GABRG3: variants seen among roughly 807,000 people sequenced by gnomAD.
GABRG3 encodes gamma-aminobutyric acid type A receptor subunit gamma3.
A neutral mutation model predicts 48.8 loss-of-function variants in GABRG3; 25 were observed. That is an observed-to-expected ratio of 0.51 (90% CI 0.37 to 0.72). GABRG3 has a LOEUF of 0.72. Among genes scored for constraint, GABRG3 ranks in the 30% least tolerant of loss-of-function variants. The probability of loss-of-function intolerance (pLI) is 0.00; values close to 1 mark genes in which losing one functional copy is unlikely to be tolerated. For synonymous variants in GABRG3, 227 were observed against 217.6 expected (o/e 1.04, Z -0.38); for missense variants, 394 against 577.9 (o/e 0.68, Z 3.26).
At chr15:27,328,431 G>C (rs1449382649) in intron 4 of GABRG3, among the ~76,000 whole-genome samples, 2 of 152,208 alleles carry the variant, frequency 1.3e-5, no homozygotes, top group Non-Finnish European at 2.9e-5. Flanking sequence ...CATTAATTTG[G>C]CATAATAGCT....
intron 3 of GABRG3, among the ~76,000 whole-genome samples, chr15:27,037,959 G>A (rs994283202): frequency 2.6e-5 from 4 of 151,984 alleles, no homozygotes; most frequent in African/African-American, 9.7e-5. Flanking sequence ...CCCTCACCCC[G>A]TCCCCAGCAT....
rs974575112 is a variant in GABRG3, at chr15:27,537,872, T to G, written c.*4991T>G. 1.3e-5 allele frequency: 2 copies of G among 151,674 alleles called. No individual in the cohort carries two copies. The highest frequency in any genetic ancestry group is 1.3e-4 in the Admixed American group (2 of 15,212). The allele number at this position is 151,674 out of a possible 1,614,324, so 9.4% of individuals were successfully genotyped here. A position where few individuals can be genotyped will look rare whatever the true frequency, so the allele number is the denominator to read the frequency against. ...TATTTATTTTGAGATGAAGTTTTAC[T>G]CTTGTTGCCCAGGCTGGAGTGCAGT... On this transcript the variant is annotated 3_prime_UTR_variant, in exon 10 of 10. Coordinates refer to ENST00000615808, the MANE Select transcript of GABRG3 (RefSeq NM_033223.5).
At chr15:27,404,445 T>C (rs1887572631) in intron 5 of GABRG3, among the ~76,000 whole-genome samples, 1 of 152,086 alleles carries the variant, frequency 6.6e-6, no homozygotes, top group Non-Finnish European at 1.5e-5. Flanking sequence ...GGCTCTTTGC[T>C]CTCTGACCTC....
intron 3 of GABRG3, among the ~76,000 whole-genome samples, chr15:27,082,253 C>T (rs1396697400): frequency 6.6e-6 from 1 of 152,168 alleles, no homozygotes; most frequent in African/African-American, 2.4e-5. Context: ...AGTCACAGTG[C>T]ATTTGACCTC....
chr15:27,145,283 G>T (rs1257484816), intron 3 of GABRG3, among the ~76,000 whole-genome samples: 1 of 151,766 alleles, frequency 6.6e-6, no homozygotes, highest in Non-Finnish European at 1.5e-5. Flanking sequence ...AGAAAACCAT[G>T]TATAAAGAAC....
At chr15:27,129,709 T>C (rs992133848) in intron 3 of GABRG3, among the ~76,000 whole-genome samples, 1 of 141,528 alleles carries the variant, frequency 7.1e-6, no homozygotes, top group African/African-American at 2.5e-5. Context: ...TTAGTTTCTG[T>C]TTTGTTTTTT....
At chr15:27,152,393 T>G (rs1950889061) in intron 3 of GABRG3, among the ~76,000 whole-genome samples, 1 of 152,220 alleles carries the variant, frequency 6.6e-6, no homozygotes, top group South Asian at 2.1e-4. Flanking sequence ...TTATTAAAAA[T>G]TCTTGAATTA....
rs1021572000 is a variant in GABRG3, at chr15:27,503,990, G to C, written c.713-15982G>C. On this transcript the variant is annotated intron_variant, in intron 6 of 9. Transcript: ENST00000615808. Reference sequence around the variant, plus strand: ...CTTCCAGATTAATATAGGCTCTTGAGCTTCCTTTGATTATTATTACCACAG... The same window carrying C: ...CTTCCAGATTAATATAGGCTCTTGACCTTCCTTTGATTATTATTACCACAG... 1.6e-4 allele frequency among the ~76,000 whole-genome samples: 25 copies of C among 152,096 alleles called. No individual in the cohort carries two copies. The East Asian group carries it at 3.1e-3, about 19-fold the overall frequency.
intron 5 of GABRG3, among the ~76,000 whole-genome samples, chr15:27,332,302 C>T (rs1056136675): frequency 6.6e-6 from 1 of 152,120 alleles, no homozygotes; most frequent in Non-Finnish European, 1.5e-5. Flanking sequence ...GATCACGAGG[C>T]CAGGAGTTCG....
At chr15:26,990,305 A>G (rs1327574259) in intron 2 of GABRG3, among the ~76,000 whole-genome samples, 1 of 152,166 alleles carries the variant, frequency 6.6e-6, no homozygotes, top group African/African-American at 2.4e-5. Flanking sequence ...TGACTTTTGG[A>G]TAAAAGCCAT....
In GABRG3 at chr15:27,421,244, A is replaced by G. The variant is rs144748077; in HGVS notation, c.575-59406A>G. 5.8e-3 allele frequency among the ~76,000 whole-genome samples: 883 copies of G among 152,376 alleles called. 4 individuals carry two copies. The highest frequency in any genetic ancestry group is 0.027 in the Middle Eastern group (8 of 294). On this transcript the variant is annotated intron_variant, in intron 5 of 9. Transcript: ENST00000615808. ...CACATTGAATTAGCTTTGAGGACAG[A>G]GGAGTAACTCCCAAAGAGGAAAAAT...
intron 5 of GABRG3, among the ~76,000 whole-genome samples, chr15:27,390,927 A>T (rs1418618958): frequency 6.6e-6 from 1 of 152,124 alleles, no homozygotes; most frequent in Non-Finnish European, 1.5e-5. Flanking sequence ...CATCTCTACT[A>T]AAAATACAAA....
intron 3 of GABRG3, among the ~76,000 whole-genome samples, chr15:27,312,183 A>C (rs559411106): frequency 6.6e-6 from 1 of 152,256 alleles, no homozygotes; most frequent in African/African-American, 2.4e-5. Flanking sequence ...TGAGGGGTTT[A>C]ACAGCAGAGT....
chr15:27,061,136 G>A (rs188540711), intron 3 of GABRG3, among the ~76,000 whole-genome samples: 1 of 152,208 alleles, frequency 6.6e-6, no homozygotes, highest in Non-Finnish European at 1.5e-5. Flanking sequence ...CTCCCAATAA[G>A]GTAAACCTAT....
At chr15:27,014,383 A>T in intron 2 of GABRG3, among the ~76,000 whole-genome samples, 1 of 144,200 alleles carries the variant, frequency 6.9e-6, no homozygotes, top group African/African-American at 2.6e-5. Context: ...GTAAACTTAG[A>T]TTGTTGATTT....
intron 3 of GABRG3, among the ~76,000 whole-genome samples, chr15:27,101,336 A>G (rs1267705452): frequency 6.6e-6 from 1 of 152,152 alleles, no homozygotes; most frequent in African/African-American, 2.4e-5. Context: ...GGAGAGATGT[A>G]TTTTTTCATG....
At chr15:27,102,062 C>T (rs1047766072) in intron 3 of GABRG3, among the ~76,000 whole-genome samples, 4 of 151,790 alleles carry the variant, frequency 2.6e-5, no homozygotes, top group Non-Finnish European at 5.9e-5. Context: ...CTCTCTACGT[C>T]CATGTGAACC....
intron 3 of GABRG3, among the ~76,000 whole-genome samples, chr15:27,127,041 G>A (rs899571222): frequency 3.9e-5 from 6 of 152,074 alleles, no homozygotes; most frequent in African/African-American, 1.4e-4. Flanking sequence ...ATTGCATTTG[G>A]CAGGGCATTA....
In GABRG3 at chr15:27,396,509, G is replaced by A. The variant is rs555839674; in HGVS notation, c.574+67621G>A. 5.9e-5 allele frequency among the ~76,000 whole-genome samples: 9 copies of A among 152,340 alleles called. No individual in the cohort carries two copies. The South Asian group carries it at 1.9e-3, about 32-fold the overall frequency. ...AAATTGCAGAATAAATGCTGGTGAG[G>A]ATGTGGTGGAACAACTGAGCTCTTA... On this transcript the variant is annotated intron_variant, in intron 5 of 9. Transcript: ENST00000615808.
Sources: allele counts gnomAD v4.1 joint callset (sites outside exome capture counted in the v4.1 genomes callset), GRCh38; gene constraint gnomAD v4.1.1; transcripts MANE v1.5; gene names NCBI Gene and HGNC (gene_info 2026-07-23, HGNC 2026-07-21).